The following RHBDD1 variants were observed in gnomAD, a reference collection of about 807,000 sequenced individuals.
The protein encoded by RHBDD1 is rhomboid-related protein 4.
In RHBDD1, 38 loss-of-function variants were observed where a neutral mutation model predicts 36.3. The ratio of observed to expected loss-of-function variants is 1.05; its 90% CI spans 0.81 to 1.37. RHBDD1 has a LOEUF of 1.37. RHBDD1 is among the 40% of genes most tolerant of loss of function. RHBDD1 has a pLI of 0.00. For missense variants in RHBDD1, 393 were observed against 377.6 expected, an observed-to-expected ratio of 1.04 and a Z score of -0.34; for synonymous variants, 151 against 136.5, an observed-to-expected ratio of 1.11 and a Z score of -0.74.
chr2:226,875,425 C>T (rs2125334281), intron 5 of RHBDD1, among the ~76,000 whole-genome samples: 1 of 152,120 alleles, frequency 6.6e-6, no homozygotes, highest in East Asian at 1.9e-4. Flanking sequence ...AATGTTTATT[C>T]CCTCATGTGC....
chr2:226,859,691 C>T (rs932700108), intron 3 of RHBDD1, among the ~76,000 whole-genome samples: 2 of 152,176 alleles, frequency 1.3e-5, no homozygotes, highest in African/African-American at 4.8e-5. Flanking sequence ...ACCTGTGTGA[C>T]TGGAGCATAG....
chr2:226,922,411 G>T (rs1369115697), intron 8 of RHBDD1, among the ~76,000 whole-genome samples: 1 of 151,738 alleles, frequency 6.6e-6, no homozygotes, highest in Non-Finnish European at 1.5e-5. Context: ...GTTTCACTGT[G>T]TTAGCCAGGA....
At position 226,983,392 on chromosome 2, in the gene RHBDD1, T is replaced by TA. The variant is rs567856554; in HGVS notation, c.857-12038dup. Among the ~76,000 whole-genome samples, 206 of 152,290 alleles carry TA rather than the reference T, an allele frequency of 1.4e-3. 1 individual carries two copies. Among genetic ancestry groups the TA allele is most frequent in the Middle Eastern group, 3.4e-3 (1 of 294 alleles). On this transcript the variant is annotated intron_variant, in intron 8 of 8. Coordinates refer to ENST00000392062, the MANE Select transcript of RHBDD1 (RefSeq NM_001167608.3). ...GGTAGCTGTGGGACCTGGGGCCAGT[T>TA]ATGTGGTTCACTTTATTTGCTGCTA...
the RHBDD1 span, among the ~76,000 whole-genome samples, chr2:226,819,835 A>G: frequency 2.6e-5 from 4 of 152,214 alleles, no homozygotes; most frequent in Non-Finnish European, 1.5e-5. Context: ...ATGACATGGC[A>G]TTGCAAAATA....
chr2:226,877,210 C>T (rs894171079), intron 5 of RHBDD1, among the ~76,000 whole-genome samples: 3 of 152,178 alleles, frequency 2.0e-5, no homozygotes, highest in Admixed American at 2.0e-4. Flanking sequence ...ACATTAAAAT[C>T]TGTTGATCTG....
At chr2:226,913,675 G>T (rs532838402) in intron 7 of RHBDD1, among the ~76,000 whole-genome samples, 1 of 151,726 alleles carries the variant, frequency 6.6e-6, no homozygotes, top group South Asian at 2.1e-4. Context: ...CTTTTTTTGG[G>T]GGGGAGCTAT....
At chr2:226,852,138 G>C (rs1265422453) in intron 3 of RHBDD1, among the ~76,000 whole-genome samples, 1 of 152,168 alleles carries the variant, frequency 6.6e-6, no homozygotes, top group Non-Finnish European at 1.5e-5. Context: ...CCGTAGGATA[G>C]AACTGATGAT....
In RHBDD1 at chr2:226,996,634, A is replaced by G. The variant is rs1959387225; in HGVS notation, c.*1112A>G. 6.6e-6 allele frequency: 1 copy of G among 152,244 alleles called. No homozygotes were observed. Among genetic ancestry groups the G allele is most frequent in the Non-Finnish European group, 1.5e-5 (1 of 68,044 alleles). The allele number at this position is 152,244 out of a possible 1,614,324, so 9.4% of individuals were successfully genotyped here. A position where few individuals can be genotyped will look rare whatever the true frequency, so the allele number is the denominator to read the frequency against. ...CTTATATAGTTTTCTGATTATGCAC[A>G]TAATAGATATGCCTTCCAGATGCAT... On this transcript the variant is annotated 3_prime_UTR_variant, in exon 9 of 9. Coordinates refer to ENST00000392062, the MANE Select transcript of RHBDD1 (RefSeq NM_001167608.3).
chr2:226,988,817 C>T, intron 8 of RHBDD1: 2 of 588,866 alleles, frequency 3.4e-6, no homozygotes, highest in Non-Finnish European at 4.3e-6. Context: ...GAGTTAACTA[C>T]CAAGGCTGAC....
At chr2:226,959,911 C>G (rs971395105) in intron 8 of RHBDD1, among the ~76,000 whole-genome samples, 1 of 152,062 alleles carries the variant, frequency 6.6e-6, no homozygotes, top group Non-Finnish European at 1.5e-5. Context: ...CAACCTCTGC[C>G]TCCTGGGTTC....
At chr2:226,965,243 G>C (rs938752830) in intron 8 of RHBDD1, among the ~76,000 whole-genome samples, 19 of 152,186 alleles carry the variant, frequency 1.2e-4, no homozygotes, top group African/African-American at 4.6e-4. Context: ...CACCAAGGAT[G>C]GCCAGCACCA....
chr2:226,818,441 C>G, the RHBDD1 span, among the ~76,000 whole-genome samples: 1 of 149,364 alleles, frequency 6.7e-6, no homozygotes, highest in Admixed American at 6.7e-5. Context: ...GCTGGGATTA[C>G]AGGTGTGAGC....
intron 3 of RHBDD1, among the ~76,000 whole-genome samples, chr2:226,852,819 A>AAAGTCCTAG (rs1172869681): frequency 6.6e-6 from 1 of 151,032 alleles, no homozygotes; most frequent in Non-Finnish European, 1.5e-5. Context: ...CCACAGCCTC[A>AAAGTCCTAG]AAGTCCTAGG....
At chr2:226,822,991 T>G in the RHBDD1 span, among the ~76,000 whole-genome samples, 54 of 152,212 alleles carry the variant, frequency 3.5e-4, no homozygotes, top group Admixed American at 1.4e-3. Context: ...CTGGGCATGG[T>G]GGTGTGTGCC....
chr2:226,810,540 CAAAA>C, the RHBDD1 span, among the ~76,000 whole-genome samples: 38 of 33,878 alleles, frequency 1.1e-3, no homozygotes, highest in African/African-American at 5.1e-3. Context: ...GACTCCGTCT[CAAAA>C]AAAAAAAAAA....
intron 5 of RHBDD1, among the ~76,000 whole-genome samples, chr2:226,897,973 C>G (rs1173569437): frequency 4.0e-5 from 6 of 151,422 alleles, no homozygotes; most frequent in African/African-American, 1.5e-4. Flanking sequence ...GAGCAAAACT[C>G]CGTCTCAAAA....
At chr2:226,887,795 G>A (rs1201592538) in intron 5 of RHBDD1, among the ~76,000 whole-genome samples, 2 of 152,298 alleles carry the variant, frequency 1.3e-5, no homozygotes, top group South Asian at 2.1e-4. Context: ...ATGCTCTTTT[G>A]TATTGAATGT....
chr2:226,856,834 C>A (rs1365984398), intron 3 of RHBDD1, among the ~76,000 whole-genome samples: 1 of 152,056 alleles, frequency 6.6e-6, no homozygotes, highest in Non-Finnish European at 1.5e-5. Context: ...AGCATTTTTG[C>A]TTTGTTTGCA....
chr2:226,973,862 G>A (rs1954043354), intron 8 of RHBDD1, among the ~76,000 whole-genome samples: 1 of 152,202 alleles, frequency 6.6e-6, no homozygotes, highest in Admixed American at 6.5e-5. Context: ...GCTACTGTGT[G>A]TTAGAATTGT....
Sources: gnomAD v4.1 joint callset for allele counts (sites outside exome capture counted in the v4.1 genomes callset) on GRCh38, gnomAD v4.1.1 for gene constraint, MANE v1.5 for transcripts, NCBI Gene and HGNC (gene_info 2026-07-23, HGNC 2026-07-21) for gene names.